Variants in ACER3 observed in about 807,000 individuals in gnomAD.
ACER3 encodes the protein alkaline ceramidase 3.
In ACER3, 16 loss-of-function variants were observed where a neutral mutation model predicts 48.9. That is an observed-to-expected ratio of 0.33 (90% CI 0.22 to 0.50). The LOEUF (loss-of-function observed/expected upper bound fraction) is 0.50. Ranked by LOEUF, ACER3 falls within the 20% of genes least tolerant of loss-of-function variation. The pLI is 0.98. For synonymous variants in ACER3, 109 were observed against 107.8 expected, an observed-to-expected ratio of 1.01 and a Z score of -0.07; for missense variants, 227 against 326.0, an observed-to-expected ratio of 0.70 and a Z score of 2.34.
chr11:76,893,919 T>C (rs552644543), intron 1 of ACER3, among the ~76,000 whole-genome samples: 1 of 152,324 alleles, frequency 6.6e-6, no homozygotes, highest in East Asian at 1.9e-4. Context: ...AGCCCCACCA[T>C]AGGTGTTCAT....
intron 3 of ACER3, among the ~76,000 whole-genome samples, chr11:76,964,565 G>C (rs1489450215): frequency 6.6e-6 from 1 of 151,354 alleles, no homozygotes; most frequent in Non-Finnish European, 1.5e-5. Flanking sequence ...GCACCCCCCA[G>C]TAGGGGTGGA....
intron 7 of ACER3, among the ~76,000 whole-genome samples, chr11:77,001,741 C>G (rs1949035663): frequency 6.6e-6 from 1 of 152,128 alleles, no homozygotes; most frequent in Non-Finnish European, 1.5e-5. Context: ...AGCATTTAAC[C>G]TTTCATCATT....
intron 3 of ACER3, 137 bp from the exon 4 acceptor site, chr11:76,976,152 G>T: frequency 1.5e-6 from 1 of 670,788 alleles, no homozygotes; most frequent in Non-Finnish European, 2.5e-6. Context: ...CTCCCAGAGT[G>T]CTGGGATTAC....
intron 2 of ACER3, among the ~76,000 whole-genome samples, chr11:76,934,459 G>A (rs191386724): frequency 3.3e-4 from 50 of 152,384 alleles, no homozygotes; most frequent in African/African-American, 1.1e-3. Flanking sequence ...GCCGAGGCTG[G>A]CGGATCACTT....
intron 2 of ACER3, among the ~76,000 whole-genome samples, chr11:76,950,392 TATATATATATATATATATA>T (rs1302771018): frequency 0.011 from 320 of 29,538 alleles, 22 homozygotes; most frequent in East Asian, 0.041. Flanking sequence ...TATATATATA[TATATATATATATATATATA>T]ATTTACACAT....
intron 1 of ACER3, among the ~76,000 whole-genome samples, chr11:76,917,872 A>G (rs4565926): frequency 0.15 from 22,505 of 149,862 alleles, 1,980 homozygotes; most frequent in East Asian, 0.35. Context: ...AAAAAAAAAA[A>G]AAAGAAAGAA....
chr11:76,868,121 T>C (rs2134508089), intron 1 of ACER3: 1 of 1,289,752 alleles, frequency 7.8e-7, no homozygotes, highest in East Asian at 5.5e-5. Flanking sequence ...TTTTCTCAGG[T>C]TCCTTCCTAC....
chr11:76,958,875 C>T, intron 2 of ACER3, 104 bp from the exon 3 acceptor site: 2 of 1,298,310 alleles, frequency 1.5e-6, no homozygotes, highest in South Asian at 2.5e-5. Context: ...TTATAAACTT[C>T]ATTATCCTTA....
At chr11:76,927,176 T>G (rs1419807580) in intron 2 of ACER3, among the ~76,000 whole-genome samples, 1 of 152,226 alleles carries the variant, frequency 6.6e-6, no homozygotes, top group Non-Finnish European at 1.5e-5. Flanking sequence ...TGCATAGTTT[T>G]AAACTTTTTG....
At chr11:76,973,783 G>A (rs1380132581) in intron 3 of ACER3, among the ~76,000 whole-genome samples, 1 of 151,840 alleles carries the variant, frequency 6.6e-6, no homozygotes, top group East Asian at 1.9e-4. Context: ...TTATGTTTTT[G>A]GTATCATAGC....
intron 2 of ACER3, among the ~76,000 whole-genome samples, chr11:76,941,541 A>G (rs1246343588): frequency 6.6e-6 from 1 of 152,074 alleles, no homozygotes; most frequent in Non-Finnish European, 1.5e-5. Flanking sequence ...GAAGTCAGGC[A>G]ATATGATGCC....
chr11:77,008,637 C>T (rs772247721), intron 7 of ACER3, among the ~76,000 whole-genome samples: 1 of 152,200 alleles, frequency 6.6e-6, no homozygotes, highest in East Asian at 1.9e-4. Context: ...CAAATTGAAA[C>T]TCTTAAAACT....
At chr11:76,958,577 A>G (rs1947906718) in intron 2 of ACER3, among the ~76,000 whole-genome samples, 1 of 152,222 alleles carries the variant, frequency 6.6e-6, no homozygotes, top group African/African-American at 2.4e-5. Flanking sequence ...TCTGATAACC[A>G]AATACAATGG....
chr11:76,931,202 G>C (rs1276438011), intron 2 of ACER3, among the ~76,000 whole-genome samples: 21 of 130,700 alleles, frequency 1.6e-4, no homozygotes, highest in Admixed American at 4.5e-4. Context: ...TTGAATTGAT[G>C]CCTTTACCAT....
intron 9 of ACER3, 113 bp from the exon 10 acceptor site, chr11:77,019,618 T>G: frequency 2.2e-6 from 2 of 928,452 alleles, no homozygotes; most frequent in Non-Finnish European, 3.5e-6. Flanking sequence ...CATATACTCA[T>G]GTTGTTTTTG....
chr11:76,932,622 AG>A (rs1225241989), intron 2 of ACER3, among the ~76,000 whole-genome samples: 1 of 152,196 alleles, frequency 6.6e-6, no homozygotes, highest in Non-Finnish European at 1.5e-5. Context: ...TGGCCTCCTA[AG>A]CTGGAGTTTG....
At chr11:76,970,085 T>G (rs1242471338) in intron 3 of ACER3, among the ~76,000 whole-genome samples, 1 of 152,198 alleles carries the variant, frequency 6.6e-6, no homozygotes, top group Non-Finnish European at 1.5e-5. Context: ...ATTGGCACAG[T>G]CTGTTTTGTC....
chr11:76,929,445 C>T (rs550435071), intron 2 of ACER3, among the ~76,000 whole-genome samples: 22 of 152,284 alleles, frequency 1.4e-4, no homozygotes, highest in Admixed American at 1.2e-3. Flanking sequence ...TAATTGAATA[C>T]GCTTTATTTC....
chr11:76,910,600 A>T (rs1302279415), intron 1 of ACER3, among the ~76,000 whole-genome samples: 1 of 152,220 alleles, frequency 6.6e-6, no homozygotes, highest in Non-Finnish European at 1.5e-5. Flanking sequence ...TAACTTGGAT[A>T]AACATTTCGC....
Sources: allele counts gnomAD v4.1 joint callset (sites outside exome capture counted in the v4.1 genomes callset), GRCh38; gene constraint gnomAD v4.1.1; transcripts MANE v1.5; gene names NCBI Gene and HGNC (gene_info 2026-07-23, HGNC 2026-07-21).